PTCHD4: variants seen among roughly 807,000 people sequenced by gnomAD.
The protein encoded by PTCHD4 is patched domain-containing protein 4.
Under a neutral mutation model 58.1 loss-of-function variants are expected in PTCHD4, and 33 were observed. The ratio of observed to expected loss-of-function variants is 0.57; its 90% confidence interval spans 0.43 to 0.76. PTCHD4 has a LOEUF of 0.76. Ranked by LOEUF, PTCHD4 falls within the 30% of genes least tolerant of loss-of-function variation. PTCHD4 has a pLI of 0.00. For missense variants in PTCHD4, 1,058 were observed against 1,027.1 expected, an observed-to-expected ratio of 1.03 and a Z score of -0.41; for synonymous variants, 478 against 409.6, an observed-to-expected ratio of 1.17 and a Z score of -2.02.
At chr6:47,978,497 C>T (rs1056299984) in intron 4 of PTCHD4, among the ~76,000 whole-genome samples, 1 of 152,136 alleles carries the variant, frequency 6.6e-6, no homozygotes, top group Non-Finnish European at 1.5e-5. Context: ...ATAGTTTCTA[C>T]CTCATAGTTT....
In PTCHD4 at chr6:47,875,417, G is replaced by A. The variant is rs1342545368; in HGVS notation, c.*2886C>T. Among the ~76,000 whole-genome samples, 1 of 151,848 alleles carries A rather than the reference G, an allele frequency of 6.6e-6. No homozygotes were observed. Among genetic ancestry groups the A allele is most frequent in the African/African-American group, 2.4e-5 (1 of 41,392 alleles). ...TTGGAAACATCTGTTTCACAGTGAG[G>A]TTGGGAGGTCAGACGATGCTCTGTT... On this transcript the variant is annotated 3_prime_UTR_variant, in exon 5 of 5. Transcript: ENST00000339488.
intron 3 of PTCHD4, among the ~76,000 whole-genome samples, chr6:48,055,995 A>G (rs978703093): frequency 1.3e-5 from 2 of 152,354 alleles, no homozygotes; most frequent in Admixed American, 6.5e-5. Context: ...ATGGTATCCA[A>G]TGTTTCCCAC....
Position 48,068,543 on chromosome 6 carries a change from A to G in PTCHD4, c.104T>C (p.Val35Ala). 1.2e-6 allele frequency: 2 copies of G among 1,607,574 alleles called. No homozygotes were observed. Among genetic ancestry groups the G allele is most frequent in the Non-Finnish European group, 1.7e-6 (2 of 1,178,550 alleles). The change falls in exon 3 of 5, where the codon GTG becomes GCG. Residue 35 changes from valine to alanine, a missense_variant. Coordinates refer to ENST00000339488, the MANE Select transcript of PTCHD4 (RefSeq NM_001384253.1). This position sits in a 1 kb window ranked among gnomAD's most constrained non-coding sequence, Gnocchi z 4.2. ...QSFCHRLGLC[V>A]SRHPVFFLTV... The stretch of plus-strand genomic sequence containing the variant: ...GAGGAAAAAGACCGGGTGCCGGCTC[A>G]CGCACAAACCCAGCCTGTGGCAGAA...
chr6:47,991,559 T>C (rs1272347357), intron 4 of PTCHD4, among the ~76,000 whole-genome samples: 1 of 152,054 alleles, frequency 6.6e-6, no homozygotes, highest in Non-Finnish European at 1.5e-5. Context: ...TAAATATGTG[T>C]ATTAGTAAAT....
intron 4 of PTCHD4, among the ~76,000 whole-genome samples, chr6:47,998,207 T>A (rs572742425): frequency 1.3e-5 from 2 of 152,220 alleles, no homozygotes; most frequent in Non-Finnish European, 2.9e-5. Context: ...TTGATAGACA[T>A]GTATTTGAGG....
At chr6:48,029,497 G>A (rs1326632449) in intron 3 of PTCHD4, among the ~76,000 whole-genome samples, 1 of 151,860 alleles carries the variant, frequency 6.6e-6, no homozygotes, top group East Asian at 1.9e-4. Flanking sequence ...TAATTCCTAT[G>A]GCTTTTCTGC....
In PTCHD4 at chr6:47,871,744, G is replaced by C. The variant is rs1763718178; in HGVS notation, c.*6559C>G. ...TTTTGTCTTTAAATACCCTTATGAGGTAGCTTGGAGAGATCTCTGCCCTTT... is the reference window on the plus strand; with the variant it reads ...TTTTGTCTTTAAATACCCTTATGAGCTAGCTTGGAGAGATCTCTGCCCTTT... On this transcript the variant is annotated 3_prime_UTR_variant, in exon 5 of 5. Coordinates refer to ENST00000339488, the MANE Select transcript of PTCHD4 (RefSeq NM_001384253.1). Among the ~76,000 whole-genome samples the C allele has an allele frequency of 1.3e-5, 2 of 151,698 alleles. No individual in the cohort carries two copies. The highest frequency in any genetic ancestry group is 4.1e-4 in the South Asian group (2 of 4,826).
intron 4 of PTCHD4, among the ~76,000 whole-genome samples, chr6:47,931,947 G>C (rs1765837232): frequency 6.6e-6 from 1 of 152,072 alleles, no homozygotes; most frequent in Non-Finnish European, 1.5e-5. Context: ...AGGACTAAAG[G>C]GCTTCCTTCT....
At chr6:47,960,373 A>G (rs1486411078) in intron 4 of PTCHD4, among the ~76,000 whole-genome samples, 2 of 152,164 alleles carry the variant, frequency 1.3e-5, no homozygotes, top group Non-Finnish European at 2.9e-5. Flanking sequence ...ATAACATAAA[A>G]TGCAAGTGGT....
At chr6:47,913,480 A>C (rs917520499) in intron 4 of PTCHD4, among the ~76,000 whole-genome samples, 12 of 152,104 alleles carry the variant, frequency 7.9e-5, no homozygotes, top group Non-Finnish European at 4.4e-5. Context: ...TCTGGTAAAA[A>C]ATCAGAGAAA....
chr6:48,048,606 T>C (rs1359971502), intron 3 of PTCHD4, among the ~76,000 whole-genome samples: 1 of 151,878 alleles, frequency 6.6e-6, no homozygotes, highest in Non-Finnish European at 1.5e-5. Context: ...TTTCCCTCCT[T>C]TGTGCCAGTG....
intron 1 of PTCHD4, among the ~76,000 whole-genome samples, 126 bp from the exon 2 acceptor site, chr6:48,070,052 A>C (rs1044250749): frequency 7.9e-5 from 12 of 152,244 alleles, no homozygotes; most frequent in African/African-American, 1.9e-4. Flanking sequence ...TTCAGCACCC[A>C]AAAGTGTGAA....
chr6:48,002,754 TATAATAATA>T (rs139742079), intron 4 of PTCHD4, among the ~76,000 whole-genome samples: 1 of 149,480 alleles, frequency 6.7e-6, no homozygotes, highest in African/African-American at 2.4e-5. Flanking sequence ...AAACTTAAAG[TATAATAATA>T]ATAATAATAA....
intron 4 of PTCHD4, among the ~76,000 whole-genome samples, chr6:47,950,935 T>C (rs866756881): frequency 2.0e-5 from 3 of 152,088 alleles, no homozygotes; most frequent in Admixed American, 2.0e-4. Context: ...AATGTGTCAA[T>C]TGATGGAATT....
At position 48,050,171 on chromosome 6, in the gene PTCHD4, G is replaced by T. The variant is rs573899404; in HGVS notation, c.417+18059C>A. 2.0e-5 allele frequency among the ~76,000 whole-genome samples: 3 copies of T among 152,058 alleles called. No individual in the cohort carries two copies. In the South Asian group the frequency reaches 6.2e-4, roughly 32 times the overall value. On this transcript the variant is annotated intron_variant, in intron 3 of 4. Transcript: ENST00000339488. The stretch of plus-strand genomic sequence containing the variant: ...AGAGAAGTGTCACGATATTAGTCAG[G>T]TTTATTAGGGCTTCAGATGAGTCTT...
At chr6:48,018,457 T>C (rs1275675582) in intron 3 of PTCHD4, among the ~76,000 whole-genome samples, 1 of 152,174 alleles carries the variant, frequency 6.6e-6, no homozygotes, top group Non-Finnish European at 1.5e-5. Flanking sequence ...AGTGTTCATT[T>C]CCATAGAAAC....
rs529541138 is a variant in PTCHD4 at position 47,934,729 on chromosome 6, A to T, written c.899-54793T>A. Among the ~76,000 whole-genome samples, 894 of 152,286 alleles carry T rather than the reference A, an allele frequency of 5.9e-3. 8 individuals are homozygous for T. The highest frequency in any genetic ancestry group is 0.021 in the African/African-American group (859 of 41,564). The stretch of plus-strand genomic sequence containing the variant: ...ATAAATCACTCCCCAAAATACCTTC[A>T]ATTTATGTATTTACTCACTTCCTCA... On this transcript the variant is annotated intron_variant, in intron 4 of 4. Coordinates refer to ENST00000339488, the MANE Select transcript of PTCHD4 (RefSeq NM_001384253.1).
intron 4 of PTCHD4, among the ~76,000 whole-genome samples, chr6:48,003,836 G>T (rs1406483919): frequency 6.6e-6 from 1 of 152,068 alleles, no homozygotes; most frequent in Non-Finnish European, 1.5e-5. Context: ...CTCTTCTTCA[G>T]CTTCGCCAAG....
At chr6:47,991,832 A>G (rs1375953329) in intron 4 of PTCHD4, among the ~76,000 whole-genome samples, 1 of 152,078 alleles carries the variant, frequency 6.6e-6, no homozygotes, top group Non-Finnish European at 1.5e-5. Flanking sequence ...TAACTTTCAA[A>G]TTTGTAAAAG....
Sources: allele counts gnomAD v4.1 joint callset (sites outside exome capture counted in the v4.1 genomes callset), GRCh38; gene constraint gnomAD v4.1.1; non-coding constraint Gnocchi (gnomAD v3.1); transcripts MANE v1.5; gene names NCBI Gene and HGNC (gene_info 2026-07-23, HGNC 2026-07-21).